REV3L: variants seen among roughly 807,000 people sequenced by gnomAD.
REV3L encodes the protein REV3 like, DNA directed polymerase zeta catalytic subunit.
In REV3L, 69 loss-of-function variants were observed where a neutral mutation model predicts 299.4. The observed-to-expected ratio is 0.23, with a 90% CI of 0.19 to 0.28. The LOEUF is 0.28. Ranked by LOEUF, REV3L falls within the 10% of genes least tolerant of loss-of-function variation. The pLI, the probability that REV3L is intolerant of heterozygous loss-of-function variation, is 1.00. For missense variants in REV3L, 3,128 were observed against 3,693.8 expected, an observed-to-expected ratio of 0.85 and a Z score of 3.97; for synonymous variants, 1,238 against 1,271.4, an observed-to-expected ratio of 0.97 and a Z score of 0.56.
chr6:111,315,875 T>A (rs925826242), intron 26 of REV3L, among the ~76,000 whole-genome samples: 2 of 152,226 alleles, frequency 1.3e-5, no homozygotes, highest in South Asian at 4.1e-4. Context: ...TGGAATAGTT[T>A]CATCTCCAAA....
At chr6:111,404,968 C>A (rs973356992) in intron 4 of REV3L, among the ~76,000 whole-genome samples, 49 of 152,076 alleles carry the variant, frequency 3.2e-4, no homozygotes, top group Non-Finnish European at 1.0e-4. Context: ...GAGACCAACA[C>A]GTCCACTAAC....
At chr6:111,438,416 T>C (rs906965000) in intron 1 of REV3L, among the ~76,000 whole-genome samples, 1 of 151,772 alleles carries the variant, frequency 6.6e-6, no homozygotes, top group Non-Finnish European at 1.5e-5. Context: ...ATTATTTTTT[T>C]AGAGACAGAA....
chr6:111,319,704 C>T (rs1252282621), intron 26 of REV3L, among the ~76,000 whole-genome samples: 1 of 152,116 alleles, frequency 6.6e-6, no homozygotes, highest in East Asian at 1.9e-4. Flanking sequence ...TATCAGATTT[C>T]CTTCATTTTG....
chr6:111,379,177 G>A (rs1780588231), intron 11 of REV3L, among the ~76,000 whole-genome samples: 1 of 152,154 alleles, frequency 6.6e-6, no homozygotes, highest in Non-Finnish European at 1.5e-5. Flanking sequence ...AATGTTAGAG[G>A]AAAGAATTTA....
chr6:111,325,062 C>T (rs934229807), intron 25 of REV3L, among the ~76,000 whole-genome samples: 21 of 152,136 alleles, frequency 1.4e-4, no homozygotes, highest in East Asian at 3.9e-4. Context: ...GGGGTTTCAC[C>T]GCATTAGCCA....
At chr6:111,389,339 A>G in intron 6 of REV3L, 129 bp from the exon 7 acceptor site, 1 of 695,978 alleles carries the variant, frequency 1.4e-6, no homozygotes, top group African/African-American at 1.8e-5. Flanking sequence ...AAGTGGACAA[A>G]TTATCCCAAC....
chr6:111,483,610 C>T (rs754090522), upstream of REV3L: 2 of 447,446 alleles, frequency 4.5e-6, no homozygotes, highest in Non-Finnish European at 8.9e-6. Context: ...TCGCCGACCG[C>T]CATTTCACAT....
At chr6:111,300,731 T>TA (rs17511588) in intron 31 of REV3L, among the ~76,000 whole-genome samples, 24 of 152,228 alleles carry the variant, frequency 1.6e-4, no homozygotes, top group Admixed American at 6.5e-5. Context: ...CCCCAATCAA[T>TA]ACTCTTATAA....
At chr6:111,458,576 C>T (rs1459272827) in intron 1 of REV3L, among the ~76,000 whole-genome samples, 2 of 152,116 alleles carry the variant, frequency 1.3e-5, no homozygotes, top group Non-Finnish European at 2.9e-5. Context: ...TAAACAACTT[C>T]AGTCAAGTTT....
At chr6:111,368,576 A>C (rs924864342) in intron 13 of REV3L, among the ~76,000 whole-genome samples, 1 of 152,140 alleles carries the variant, frequency 6.6e-6, no homozygotes, top group African/African-American at 2.4e-5. Context: ...CTTTCTTCCC[A>C]TTCCATGGCA....
intron 1 of REV3L, chr6:111,430,651 A>G: frequency 6.6e-7 from 1 of 1,521,028 alleles, no homozygotes; most frequent in South Asian, 1.1e-5. Flanking sequence ...CCGAGAAGAG[A>G]GAGGACTCTG....
intron 1 of REV3L, among the ~76,000 whole-genome samples, chr6:111,477,004 T>A (rs1482884316): frequency 6.6e-6 from 1 of 152,222 alleles, no homozygotes; most frequent in Non-Finnish European, 1.5e-5. Context: ...CTTCCAGAGA[T>A]AACCAACTTT....
At chr6:111,357,514 A>T (rs1778214792) in intron 17 of REV3L, among the ~76,000 whole-genome samples, 1 of 152,076 alleles carries the variant, frequency 6.6e-6, no homozygotes, top group Non-Finnish European at 1.5e-5. Context: ...AACATGGTGA[A>T]ACCCCGTCTC....
intron 31 of REV3L, among the ~76,000 whole-genome samples, chr6:111,301,582 G>A (rs563867068): frequency 2.6e-5 from 4 of 152,022 alleles, no homozygotes; most frequent in East Asian, 3.9e-4. Flanking sequence ...GGCTAACAAT[G>A]AGCTTAAAAA....
chr6:111,403,343 C>T (rs1001283348), intron 4 of REV3L, among the ~76,000 whole-genome samples: 2 of 152,072 alleles, frequency 1.3e-5, no homozygotes, highest in East Asian at 1.9e-4. Flanking sequence ...ACAGGAATAC[C>T]CCATTAAATT....
intron 28 of REV3L, 166 bp from the exon 29 acceptor site, chr6:111,311,425 T>C: frequency 2.1e-6 from 1 of 471,502 alleles, no homozygotes; most frequent in Non-Finnish European, 3.6e-6. Context: ...TTGAAAGTTA[T>C]TTGAGACTTT....
intron 28 of REV3L, chr6:111,312,122 C>T (rs1480478317): frequency 6.6e-6 from 1 of 152,018 alleles, no homozygotes; most frequent in African/African-American, 2.4e-5. Flanking sequence ...TAAGTTAGTT[C>T]TAGGTGAAAG....
Position 111,372,699 on chromosome 6 carries a change from T to C in REV3L, c.5656A>G (p.Ser1886Gly). ...NILKPLMSPPSREEIMATLLD... is the reference protein window; with the variant it reads ...NILKPLMSPPGREEIMATLLD... Reference sequence around the variant, plus strand: ...AAAGTTGCCATAATTTCTTCCCTACTTGGGGGGGACATAAGTGGTTTCAGA... The same window carrying C: ...AAAGTTGCCATAATTTCTTCCCTACCTGGGGGGGACATAAGTGGTTTCAGA... Residue 1886 changes from serine to glycine, a missense_variant, in exon 13 of 32, where the codon AGT becomes GGT. Transcript: ENST00000368802. 1.9e-6 allele frequency: 3 copies of C among 1,603,538 alleles called. No homozygotes were observed. Among genetic ancestry groups the C allele is most frequent in the Non-Finnish European group, 2.6e-6 (3 of 1,175,408 alleles).
chr6:111,387,835 C>T lies in REV3L; in HGVS notation c.1026G>A (p.Leu342=). The stretch of plus-strand genomic sequence containing the variant: ...GTGTACACTGAAGCATTTCAGGAGA[C>T]AGAACCTCAGAGTGCAATGTTAACT... ...SAELTLHSEV[L]SPEMLQCTPA... Residue 342 remains leucine, a synonymous_variant, in exon 9 of 32, where the codon CTG becomes CTA. Coordinates refer to ENST00000368802, the MANE Select transcript of REV3L (RefSeq NM_001372078.1). 1 of 1,613,890 alleles carries T rather than the reference C, an allele frequency of 6.2e-7. No individual in the cohort carries two copies. The highest frequency in any genetic ancestry group is 1.1e-5 in the South Asian group (1 of 91,078).
Sources: allele counts gnomAD v4.1 joint callset (sites outside exome capture counted in the v4.1 genomes callset), GRCh38; gene constraint gnomAD v4.1.1; transcripts MANE v1.5; gene names NCBI Gene and HGNC (gene_info 2026-07-23, HGNC 2026-07-21).